ALMS1: variants seen among roughly 807,000 people sequenced by gnomAD.
ALMS1 encodes the protein centrosome-associated protein ALMS1.
In ALMS1, 271 loss-of-function variants were observed where a neutral mutation model predicts 352.2. The observed-to-expected ratio is 0.77, with a 90% CI of 0.70 to 0.85. The LOEUF (loss-of-function observed/expected upper bound fraction) is 0.85, where lower values mean the gene tolerates loss of function less well. Ranked by LOEUF, ALMS1 falls within the 40% of genes least tolerant of loss-of-function variation. ALMS1 has a pLI of 0.00. For synonymous variants in ALMS1, 1,865 were observed against 1,761.2 expected (o/e 1.06, Z -1.48); for missense variants, 5,445 against 4,870.7 (o/e 1.12, Z -3.51).
Position 73,534,845 on chromosome 2 carries a change from A to C in ALMS1, c.9803A>C (p.Tyr3268Ser). 1 of 1,613,642 alleles carries C rather than the reference A, an allele frequency of 6.2e-7. No homozygotes were observed. Among genetic ancestry groups the C allele is most frequent in the Non-Finnish European group, 8.5e-7 (1 of 1,179,658 alleles). The change falls in exon 12 of 23, where the codon TAT (tyrosine) becomes TCT (serine). Residue 3268 changes from tyrosine to serine, a missense_variant. Tyr to Ser is a moderately radical substitution (Grantham distance 144). Coordinates refer to ENST00000613296, the MANE Select transcript of ALMS1 (RefSeq NM_001378454.1). Reference sequence around the variant, plus strand: ...TTAGGCCAGCCTTTATTATTGCCATATAAGCCTTCTGGTAGTACCAAGATG... The same window carrying C: ...TTAGGCCAGCCTTTATTATTGCCATCTAAGCCTTCTGGTAGTACCAAGATG... ...GTDGQPLLLP[Y>S]KPSGSTKMYY...
chr2:73,551,049 G>A (rs1674421296), intron 13 of ALMS1, among the ~76,000 whole-genome samples: 1 of 151,874 alleles, frequency 6.6e-6, no homozygotes, highest in African/African-American at 2.4e-5. Flanking sequence ...GTAGTGATGG[G>A]GGTCTCGCTA....
chr2:73,508,267 A>G (rs1673378657), intron 10 of ALMS1, among the ~76,000 whole-genome samples: 1 of 133,882 alleles, frequency 7.5e-6, no homozygotes, highest in Non-Finnish European at 1.5e-5. Context: ...CAGTGGCGCG[A>G]TCTCGGCTTA....
At chr2:73,596,353 CA>C (rs1417238091) in intron 16 of ALMS1, among the ~76,000 whole-genome samples, 1 of 152,042 alleles carries the variant, frequency 6.6e-6, no homozygotes, top group African/African-American at 2.4e-5. Context: ...ATCATTTGTT[CA>C]AAAGAGTATT....
At chr2:73,463,863 T>C (rs938377984) in intron 9 of ALMS1, among the ~76,000 whole-genome samples, 31 of 150,348 alleles carry the variant, frequency 2.1e-4, no homozygotes, top group South Asian at 1.5e-3. Flanking sequence ...GGACAAATTC[T>C]TTGACACATA....
chr2:73,569,169 C>T (rs925258056), intron 15 of ALMS1, among the ~76,000 whole-genome samples: 5 of 151,814 alleles, frequency 3.3e-5, no homozygotes, highest in African/African-American at 4.8e-5. Context: ...TGTGCACCAC[C>T]GCACCTGGCT....
rs1674615588 is a variant in ALMS1, at chr2:73,559,534, A to G, written c.10384+392A>G. 3.3e-5 allele frequency among the ~76,000 whole-genome samples: 5 copies of G among 152,220 alleles called. No homozygotes were observed. The South Asian group carries it at 1.0e-3, about 32-fold the overall frequency. ...TTTTAAAAAATTACAATAAAATCAC[A>G]TTTATTTTTGTTTGTCCATGGGTCT... On this transcript the variant is annotated intron_variant, in intron 15 of 22. Coordinates refer to ENST00000613296, the MANE Select transcript of ALMS1 (RefSeq NM_001378454.1).
intron 10 of ALMS1, among the ~76,000 whole-genome samples, chr2:73,492,448 G>A (rs1320760298): frequency 6.6e-6 from 1 of 152,100 alleles, no homozygotes; most frequent in Non-Finnish European, 1.5e-5. Context: ...TTGTTTGTGG[G>A]CAAGAGAAAG....
chr2:73,518,125 A>C (rs1572990176), intron 10 of ALMS1, among the ~76,000 whole-genome samples: 2 of 142,558 alleles, frequency 1.4e-5, no homozygotes, highest in African/African-American at 5.2e-5. Context: ...CTGTCCCTCC[A>C]CCCTCAAGTA....
rs1267946614 is a variant in ALMS1 at position 73,449,223 on chromosome 2, G to A, written c.2696G>A (p.Gly899Glu). 5 of 1,613,902 alleles carry A rather than the reference G, an allele frequency of 3.1e-6. No homozygotes were observed. The highest frequency in any genetic ancestry group is 4.2e-6 in the Non-Finnish European group (5 of 1,179,946). The part of the protein sequence containing the change: ...IVPGPGDQKT[G>E]IPSAPSSFYS... ...CCTGGACCAGGTGATCAGAAGACTGGGATACCCTCAGCACCATCTAGTTTC... is the reference window on the plus strand; with the variant it reads ...CCTGGACCAGGTGATCAGAAGACTGAGATACCCTCAGCACCATCTAGTTTC... The change falls in exon 8 of 23, where the codon GGG becomes GAG. Residue 899 changes from glycine (G) to glutamate (E), a missense_variant. Gly to Glu is a moderately conservative substitution (Grantham distance 98). Coordinates refer to ENST00000613296, the MANE Select transcript of ALMS1 (RefSeq NM_001378454.1).
intron 2 of ALMS1, among the ~76,000 whole-genome samples, chr2:73,415,329 T>C (rs562014810): frequency 6.6e-6 from 1 of 152,290 alleles, no homozygotes; most frequent in Admixed American, 6.5e-5. Context: ...ATTATAAGAA[T>C]ATGTTTGCAT....
chr2:73,426,551 A>C lies in ALMS1; in HGVS notation c.1336A>C (p.Lys446Gln). The C allele has an allele frequency of 6.2e-7, 1 of 1,613,634 alleles. No individual in the cohort carries two copies. The highest frequency in any genetic ancestry group is 8.5e-7 in the Non-Finnish European group (1 of 1,179,506). Reference sequence around the variant, plus strand: ...TGAAAGAGTTGCTGAACTACAAAGAAAGGTGAGACACAATAAAATGATAGT... The same window carrying C: ...TGAAAGAGTTGCTGAACTACAAAGACAGGTGAGACACAATAAAATGATAGT... ...CSERVAELQR[K>Q]PTRESEYHSS... Residue 446 changes from lysine to glutamine, a missense_variant and splice_region_variant, in exon 6 of 23, where the codon AAG (lysine) becomes CAG (glutamine). Lys to Gln is a moderately conservative substitution (Grantham distance 53). Transcript: ENST00000613296.
intron 7 of ALMS1, among the ~76,000 whole-genome samples, chr2:73,439,191 T>A (rs1671667161): frequency 6.7e-6 from 1 of 150,104 alleles, no homozygotes; most frequent in Non-Finnish European, 1.5e-5. Flanking sequence ...TGATCATAGC[T>A]CCACAGCCTT....
chr2:73,591,302 G>C (rs1675427926), intron 16 of ALMS1, among the ~76,000 whole-genome samples: 1 of 152,102 alleles, frequency 6.6e-6, no homozygotes, highest in African/African-American at 2.4e-5. Context: ...TTAAGCTTAA[G>C]CTTTTAATCT....
intron 6 of ALMS1, among the ~76,000 whole-genome samples, chr2:73,427,003 C>T (rs2103721807): frequency 6.6e-6 from 1 of 152,276 alleles, no homozygotes; most frequent in East Asian, 1.9e-4. Flanking sequence ...GTTTATGTTT[C>T]ATAGACTGTA....
At position 73,583,248 on chromosome 2, in the gene ALMS1, G is replaced by A. The variant is rs781478416; in HGVS notation, c.11547+9824G>A. Among the ~76,000 whole-genome samples, 5 of 149,966 alleles carry A rather than the reference G, an allele frequency of 3.3e-5. No individual in the cohort carries two copies. The East Asian group carries it at 5.9e-4, about 18-fold the overall frequency. ...TCACTGTTTTGTCCATCCTGGTCTCGAGCTCCTGGGCTCAAGCAGTCTTTC... is the reference window on the plus strand; with the variant it reads ...TCACTGTTTTGTCCATCCTGGTCTCAAGCTCCTGGGCTCAAGCAGTCTTTC... On this transcript the variant is annotated intron_variant, in intron 16 of 22. Coordinates refer to ENST00000613296, the MANE Select transcript of ALMS1 (RefSeq NM_001378454.1).
intron 6 of ALMS1, 68 bp downstream of exon 6, chr2:73,426,621 T>C (rs1671385163): frequency 6.7e-7 from 1 of 1,494,248 alleles, no homozygotes; most frequent in African/African-American, 1.4e-5. Flanking sequence ...GGAAATGGTA[T>C]TGTTTGTTTT....
chr2:73,579,971 C>T (rs1049858412), intron 16 of ALMS1, among the ~76,000 whole-genome samples: 1 of 152,092 alleles, frequency 6.6e-6, no homozygotes, highest in African/African-American at 2.4e-5. Context: ...ATTCCTTCTG[C>T]CCCTTTCTTT....
rs1357962379 is a variant in ALMS1, at chr2:73,452,719, T to C, written c.6192T>C (p.Asp2064=). The C allele has an allele frequency of 1.2e-6, 2 of 1,613,666 alleles. No individual in the cohort carries two copies. The highest frequency in any genetic ancestry group is 1.3e-5 in the African/African-American group (1 of 75,030). ...TTTTATTTCAACAGCAGTTGCCAGATAGAGATCAAAGTAAAGGTATTCTAA... is the reference window on the plus strand; with the variant it reads ...TTTTATTTCAACAGCAGTTGCCAGACAGAGATCAAAGTAAAGGTATTCTAA... The part of the protein sequence containing the change: ...PNILFQQQLP[D]RDQSKGILKI... The change falls in exon 8 of 23, where the codon GAT becomes GAC. Residue 2064 remains aspartate, a synonymous_variant. Coordinates refer to ENST00000613296, the MANE Select transcript of ALMS1 (RefSeq NM_001378454.1).
intron 1 of ALMS1, among the ~76,000 whole-genome samples, chr2:73,406,729 G>A (rs916783081): frequency 2.6e-5 from 4 of 152,110 alleles, no homozygotes; most frequent in African/African-American, 9.7e-5. Flanking sequence ...GGGTTCAAGT[G>A]GTTCTCCTGT....
Sources: allele counts gnomAD v4.1 joint callset (sites outside exome capture counted in the v4.1 genomes callset), GRCh38; gene constraint gnomAD v4.1.1; transcripts MANE v1.5; gene names NCBI Gene and HGNC (gene_info 2026-07-23, HGNC 2026-07-21).